NEGR1: variants seen among roughly 807,000 people sequenced by gnomAD.
The protein encoded by NEGR1 is neuronal growth regulator 1, also known as IgLON family member 4.
Under a neutral mutation model 40.9 loss-of-function variants are expected in NEGR1, and 10 were observed. That is an observed-to-expected ratio of 0.24 (90% CI 0.15 to 0.42). The LOEUF is 0.42. Among genes scored for constraint, NEGR1 ranks in the 10% least tolerant of loss-of-function variants. The pLI is 1.00. For synonymous variants in NEGR1, 185 were observed against 166.8 expected (o/e 1.11, Z -0.84); for missense variants, 352 against 438.9 (o/e 0.80, Z 1.77).
intron 1 of NEGR1, among the ~76,000 whole-genome samples, chr1:72,074,403 T>A (rs1381442010): frequency 6.6e-6 from 1 of 152,064 alleles, no homozygotes; most frequent in African/African-American, 2.4e-5. Context: ...TTCTTTATCA[T>A]CATTTTTATG....
Position 72,111,163 on chromosome 1 carries a change from C to T in NEGR1, c.176+171156G>A, listed in dbSNP as rs1017789216. ...GCAGATTTCTCATTTCTCAGGTTCT[C>T]GTGGATACTGAACATGTGTTCCATG... On this transcript the variant is annotated intron_variant, in intron 1 of 6. Coordinates refer to ENST00000357731, the MANE Select transcript of NEGR1 (RefSeq NM_173808.3). Among the ~76,000 whole-genome samples the T allele has an allele frequency of 6.0e-5, 9 of 151,162 alleles. No individual in the cohort carries two copies. The South Asian group carries it at 8.3e-4, about 14-fold the overall frequency.
chr1:71,660,515 G>C (rs759026434), intron 4 of NEGR1, among the ~76,000 whole-genome samples: 1 of 151,996 alleles, frequency 6.6e-6, no homozygotes, highest in Non-Finnish European at 1.5e-5. Flanking sequence ...TCTTTACAGA[G>C]TTTTATATCC....
intron 1 of NEGR1, among the ~76,000 whole-genome samples, chr1:72,210,674 A>G (rs557350278): frequency 1.3e-5 from 2 of 152,004 alleles, no homozygotes; most frequent in South Asian, 4.1e-4. Flanking sequence ...TTTAGAGAAT[A>G]TGTGTGGTGA....
intron 3 of NEGR1, among the ~76,000 whole-genome samples, chr1:71,723,753 G>C (rs1420467022): frequency 6.6e-6 from 1 of 152,070 alleles, no homozygotes; most frequent in Non-Finnish European, 1.5e-5. Flanking sequence ...AACCAGAGAG[G>C]GGGAAGTGGG....
At chr1:72,188,541 G>T (rs1211721069) in intron 1 of NEGR1, among the ~76,000 whole-genome samples, 4 of 151,400 alleles carry the variant, frequency 2.6e-5, no homozygotes, top group Non-Finnish European at 5.9e-5. Flanking sequence ...ACTGACTTCT[G>T]TTGTATATCT....
chr1:71,451,885 T>C (rs916165906), intron 6 of NEGR1, among the ~76,000 whole-genome samples: 8 of 152,222 alleles, frequency 5.3e-5, no homozygotes, highest in African/African-American at 1.9e-4. Context: ...AATTTTATTT[T>C]TGCACATGTA....
chr1:72,001,205 AT>A, intron 1 of NEGR1, among the ~76,000 whole-genome samples: 1 of 151,838 alleles, frequency 6.6e-6, no homozygotes, highest in Non-Finnish European at 1.5e-5. Flanking sequence ...AATGGCAACC[AT>A]TTTTTCAGGA....
At chr1:71,772,605 G>A (rs1314104943) in intron 3 of NEGR1, among the ~76,000 whole-genome samples, 2 of 152,076 alleles carry the variant, frequency 1.3e-5, no homozygotes, top group African/African-American at 4.8e-5. Context: ...ATTGGAATAT[G>A]GTTGATTAAT....
intron 6 of NEGR1, among the ~76,000 whole-genome samples, chr1:71,475,392 T>C (rs1646812899): frequency 1.3e-5 from 2 of 152,038 alleles, no homozygotes; most frequent in South Asian, 4.1e-4. Context: ...ACAAAAGATA[T>C]CTCTTCCAAA....
At chr1:72,142,361 T>G (rs1650714291) in intron 1 of NEGR1, among the ~76,000 whole-genome samples, 1 of 151,870 alleles carries the variant, frequency 6.6e-6, no homozygotes, top group Non-Finnish European at 1.5e-5. Flanking sequence ...GTAAACCAAT[T>G]TTCAGCTATT....
At chr1:71,697,424 G>A (rs933107290) in intron 4 of NEGR1, among the ~76,000 whole-genome samples, 1 of 151,740 alleles carries the variant, frequency 6.6e-6, no homozygotes, top group African/African-American at 2.4e-5. Flanking sequence ...AGTGTGGTGG[G>A]AGCATTGAGG....
intron 1 of NEGR1, among the ~76,000 whole-genome samples, chr1:71,991,625 A>C (rs1646452225): frequency 6.6e-6 from 1 of 152,108 alleles, no homozygotes; most frequent in Non-Finnish European, 1.5e-5. Context: ...ATCAAAATAC[A>C]CTTCTCTATA....
intron 1 of NEGR1, among the ~76,000 whole-genome samples, chr1:72,152,339 T>C (rs543377032): frequency 2.8e-4 from 42 of 152,058 alleles, no homozygotes; most frequent in Admixed American, 3.3e-4. Context: ...AGAATGCTAA[T>C]GAACTTAGTG....
intron 6 of NEGR1, among the ~76,000 whole-genome samples, chr1:71,578,399 C>G (rs1034265796): frequency 6.6e-6 from 1 of 152,104 alleles, no homozygotes; most frequent in Non-Finnish European, 1.5e-5. Context: ...TTGGATAGAA[C>G]AAACTGTAGC....
chr1:72,126,088 AGTATGTGTGTGTGTGT>A (rs1650006427), intron 1 of NEGR1, among the ~76,000 whole-genome samples: 2 of 129,416 alleles, frequency 1.5e-5, no homozygotes, highest in East Asian at 2.3e-4. Context: ...ATTAGAGAAA[AGTATGTGTGTGTGTGT>A]GTGTGTGTGT....
chr1:72,039,032 T>A (rs1646929312), intron 1 of NEGR1, among the ~76,000 whole-genome samples: 1 of 151,996 alleles, frequency 6.6e-6, no homozygotes. Context: ...ACTTGGATTT[T>A]GAAGAATTAC....
intron 3 of NEGR1, among the ~76,000 whole-genome samples, chr1:71,732,169 A>G (rs1654895033): frequency 1.3e-5 from 2 of 152,092 alleles, no homozygotes; most frequent in Admixed American, 6.6e-5. Context: ...TTAGCTGGAC[A>G]TGGTGGCACA....
At chr1:72,135,954 A>G (rs1650447227) in intron 1 of NEGR1, among the ~76,000 whole-genome samples, 1 of 152,198 alleles carries the variant, frequency 6.6e-6, no homozygotes. Flanking sequence ...CCCAAGATTG[A>G]ACATTGCTCT....
At chr1:72,189,312 T>C (rs1652728835) in intron 1 of NEGR1, among the ~76,000 whole-genome samples, 1 of 151,610 alleles carries the variant, frequency 6.6e-6, no homozygotes. Context: ...ACTGATGTAC[T>C]TGGAATTTCA....
Sources: allele counts gnomAD v4.1 joint callset (sites outside exome capture counted in the v4.1 genomes callset), GRCh38; gene constraint gnomAD v4.1.1; transcripts MANE v1.5; gene names NCBI Gene and HGNC (gene_info 2026-07-23, HGNC 2026-07-21).